The following WDR70 variants were observed in gnomAD, a reference collection of about 807,000 sequenced individuals.
WDR70 encodes the protein WD repeat-containing protein 70.
Under a neutral mutation model 88.6 loss-of-function variants are expected in WDR70, and 53 were observed. The observed-to-expected ratio is 0.60, with a 90% CI of 0.48 to 0.75. WDR70 has a LOEUF of 0.75. Among genes scored for constraint, WDR70 ranks in the 30% least tolerant of loss-of-function variants. The probability of loss-of-function intolerance (pLI) is 0.00; values close to 1 mark genes in which losing one functional copy is unlikely to be tolerated. For synonymous variants in WDR70, 280 were observed against 270.0 expected (o/e 1.04, Z -0.36); for missense variants, 610 against 823.2 (o/e 0.74, Z 3.17).
At chr5:37,620,633 C>T (rs976532740) in intron 10 of WDR70, among the ~76,000 whole-genome samples, 4 of 151,874 alleles carry the variant, frequency 2.6e-5, no homozygotes, top group East Asian at 1.9e-4. Flanking sequence ...TTTTGTATCC[C>T]GATTTGTTCC....
At chr5:37,643,195 T>C (rs944843292) in intron 10 of WDR70, among the ~76,000 whole-genome samples, 2 of 152,120 alleles carry the variant, frequency 1.3e-5, no homozygotes, top group African/African-American at 2.4e-5. Context: ...TTCATTCTTC[T>C]GTATATGGAT....
At chr5:37,395,429 G>C (rs947410234) in intron 4 of WDR70, among the ~76,000 whole-genome samples, 3 of 152,136 alleles carry the variant, frequency 2.0e-5, no homozygotes, top group Non-Finnish European at 4.4e-5. Flanking sequence ...AGAGGGATGA[G>C]GAAATGGCTT....
At chr5:37,452,340 A>C (rs1581293217) in intron 7 of WDR70, among the ~76,000 whole-genome samples, 1 of 150,312 alleles carries the variant, frequency 6.7e-6, no homozygotes, top group Admixed American at 6.7e-5. Context: ...ATCTTGGCTC[A>C]CTGCAACCTC....
chr5:37,441,054 A>G (rs1750638085), intron 6 of WDR70, among the ~76,000 whole-genome samples: 1 of 152,174 alleles, frequency 6.6e-6, no homozygotes, highest in Admixed American at 6.5e-5. Context: ...AGGAACCACA[A>G]ATGGAGTTGT....
intron 10 of WDR70, among the ~76,000 whole-genome samples, chr5:37,667,676 C>T (rs1745896747): frequency 6.6e-6 from 1 of 151,862 alleles, no homozygotes; most frequent in South Asian, 2.1e-4. Context: ...TTTCATGCTA[C>T]AACAGGAGAA....
chr5:37,578,708 T>C (rs1475092988), intron 9 of WDR70, among the ~76,000 whole-genome samples: 3 of 152,246 alleles, frequency 2.0e-5, no homozygotes, highest in Non-Finnish European at 4.4e-5. Flanking sequence ...AATTAGACTC[T>C]GTTCTCAAAG....
At chr5:37,727,934 A>T (rs1748026701) in intron 17 of WDR70, among the ~76,000 whole-genome samples, 1 of 152,150 alleles carries the variant, frequency 6.6e-6, no homozygotes, top group South Asian at 2.1e-4. Flanking sequence ...TTTTTAGGAA[A>T]GTTGCAGAAA....
At chr5:37,420,312 A>G (rs963397279) in intron 5 of WDR70, among the ~76,000 whole-genome samples, 12 of 152,268 alleles carry the variant, frequency 7.9e-5, no homozygotes, top group African/African-American at 2.4e-4. Context: ...AGGAACAGAC[A>G]TATCAATTTG....
chr5:37,600,721 C>G (rs1743856603), intron 9 of WDR70, among the ~76,000 whole-genome samples: 1 of 152,008 alleles, frequency 6.6e-6, no homozygotes, highest in African/African-American at 2.4e-5. Flanking sequence ...TTCATACCCA[C>G]TAGAATGGTT....
At chr5:37,474,338 C>T (rs1017568358) in intron 7 of WDR70, among the ~76,000 whole-genome samples, 1 of 152,196 alleles carries the variant, frequency 6.6e-6, no homozygotes, top group African/African-American at 2.4e-5. Context: ...TTTTGTGGTT[C>T]TAATCTTCTC....
chr5:37,407,479 C>T (rs964948937), intron 5 of WDR70, among the ~76,000 whole-genome samples: 3 of 150,628 alleles, frequency 2.0e-5, no homozygotes, highest in African/African-American at 7.5e-5. Context: ...AGCTAAAAAT[C>T]GTACCACTGT....
Position 37,707,948 on chromosome 5 carries a change from AATAT to A in WDR70, c.1416+4903_1416+4906del, listed in dbSNP as rs70978841. Among the ~76,000 whole-genome samples the A allele has an allele frequency of 3.9e-3, 133 of 33,696 alleles. 1 individual carries two copies. The highest frequency in any genetic ancestry group is 6.9e-3 in the African/African-American group (67 of 9,738). The allele number at this position is 33,696 out of a possible 152,430, so 22.1% of individuals were successfully genotyped here. Reference sequence around the variant, plus strand: ...AAAAAAAAAAAAAAAAAAAAAAAAAAATATATATATATATATATATATATATATA... The same window carrying A: ...AAAAAAAAAAAAAAAAAAAAAAAAAAATATATATATATATATATATATATA... On this transcript the variant is annotated intron_variant, in intron 13 of 17. Coordinates refer to ENST00000265107, the MANE Select transcript of WDR70 (RefSeq NM_018034.4).
At chr5:37,505,717 G>GT in intron 8 of WDR70, 1 of 1,104,422 alleles carries the variant, frequency 9.1e-7, no homozygotes, top group Admixed American at 1.7e-5. Context: ...ATGTATAGTG[G>GT]TGTCAGCATC....
intron 10 of WDR70, among the ~76,000 whole-genome samples, chr5:37,630,732 A>G (rs1330729949): frequency 1.3e-5 from 2 of 152,222 alleles, no homozygotes; most frequent in Non-Finnish European, 2.9e-5. Flanking sequence ...TGGACTTGGC[A>G]TAATCAATAT....
chr5:37,498,903 C>T (rs1740309123), intron 8 of WDR70, among the ~76,000 whole-genome samples: 2 of 152,202 alleles, frequency 1.3e-5, no homozygotes, highest in South Asian at 4.1e-4. Context: ...CTTTATAAGA[C>T]ACTGTGAAAC....
At chr5:37,515,558 C>T (rs1180663019) in intron 8 of WDR70, among the ~76,000 whole-genome samples, 2 of 152,228 alleles carry the variant, frequency 1.3e-5, no homozygotes, top group Non-Finnish European at 2.9e-5. Context: ...AACAGAATGT[C>T]AGGCCTTGGC....
intron 7 of WDR70, among the ~76,000 whole-genome samples, chr5:37,463,177 C>T (rs1232382515): frequency 6.6e-6 from 1 of 151,910 alleles, no homozygotes; most frequent in Non-Finnish European, 1.5e-5. Context: ...GAGGCTGAAG[C>T]AGGAGAATTG....
intron 10 of WDR70, among the ~76,000 whole-genome samples, chr5:37,649,540 G>A (rs9292665): frequency 0.25 from 37,655 of 149,650 alleles, 5,433 homozygotes; most frequent in East Asian, 0.53. Context: ...AAGCATCATG[G>A]GAAGTGGGAC....
At position 37,550,885 on chromosome 5, in the gene WDR70, G is replaced by A. The variant is rs548394499; in HGVS notation, c.917+34295G>A. The stretch of plus-strand genomic sequence containing the variant: ...TTAGCTTTTTATTTTTTGTGTATCT[G>A]TTGTATGTTTTTTTGGTTTGAGGTT... On this transcript the variant is annotated intron_variant, in intron 9 of 17. Transcript: ENST00000265107. Among the ~76,000 whole-genome samples, 191 of 152,106 alleles carry A rather than the reference G, an allele frequency of 1.3e-3. 2 individuals carry two copies. Among genetic ancestry groups the A allele is most frequent in the African/African-American group, 4.5e-3 (185 of 41,498 alleles).
Sources: allele counts gnomAD v4.1 joint callset (sites outside exome capture counted in the v4.1 genomes callset), GRCh38; gene constraint gnomAD v4.1.1; transcripts MANE v1.5; gene names NCBI Gene and HGNC (gene_info 2026-07-23, HGNC 2026-07-21).